The following BCO2 variants were observed in gnomAD, a reference collection of about 807,000 sequenced individuals.
The protein encoded by BCO2 is beta-carotene oxygenase 2.
Under a neutral mutation model 65.8 loss-of-function variants are expected in BCO2, and 56 were observed. The observed-to-expected ratio is 0.85, with a 90% CI of 0.69 to 1.06. The LOEUF is 1.06. Among genes scored for constraint, BCO2 ranks in the 50% least tolerant of loss-of-function variants. The probability of loss-of-function intolerance (pLI) is 0.00; values close to 1 mark genes in which losing one functional copy is unlikely to be tolerated. For synonymous variants in BCO2, 233 were observed against 242.3 expected (o/e 0.96, Z 0.36); for missense variants, 675 against 698.5 (o/e 0.97, Z 0.38).
At chr11:112,187,829 G>A (rs1014745077) in intron 2 of BCO2, among the ~76,000 whole-genome samples, 1 of 151,544 alleles carries the variant, frequency 6.6e-6, no homozygotes, top group Non-Finnish European at 1.5e-5. Context: ...TCAAACCCTT[G>A]TTCTGTCACT....
At chr11:112,175,800 C>T (rs1218369427) in intron 1 of BCO2, 111 bp downstream of exon 1, 1 of 893,972 alleles carries the variant, frequency 1.1e-6, no homozygotes, top group African/African-American at 1.7e-5. Flanking sequence ...GCTTTGTGTC[C>T]TGTGTGGCTC....
chr11:112,194,001 T>C lies in BCO2; in HGVS notation c.633+7T>C, dbSNP rs1288228645. Reference sequence around the variant, plus strand: ...TCTGGAAAAAACAGAAAAGGTAAAGTACAGGTAAAAAAAAATGAATAAAAT... The same window carrying C: ...TCTGGAAAAAACAGAAAAGGTAAAGCACAGGTAAAAAAAAATGAATAAAAT... On this transcript the variant is annotated splice_region_variant and intron_variant, in intron 4 of 11. Coordinates refer to ENST00000357685, the MANE Select transcript of BCO2 (RefSeq NM_031938.7). 7.0e-7 allele frequency: 1 copy of C among 1,421,054 alleles called. No individual in the cohort carries two copies. The highest frequency in any genetic ancestry group is 1.7e-5 in the Admixed American group (1 of 59,364). The allele number at this position is 1,421,054 out of a possible 1,614,324, so 88.0% of individuals were successfully genotyped here. A position where few individuals can be genotyped will look rare whatever the true frequency, so the allele number is the denominator to read the frequency against.
chr11:112,192,964 G>C (rs77576959), intron 2 of BCO2, among the ~76,000 whole-genome samples: 2 of 83,544 alleles, frequency 2.4e-5, no homozygotes, highest in African/African-American at 8.8e-5. Context: ...AGGGTCAGGA[G>C]AATGTAAATT....
chr11:112,196,276 A>C (rs1276581970), intron 5 of BCO2, among the ~76,000 whole-genome samples: 1 of 149,924 alleles, frequency 6.7e-6, no homozygotes, highest in South Asian at 2.1e-4. Flanking sequence ...TCTTCACTTG[A>C]TTATTTGGTT....
chr11:112,207,428 T>C (rs1269402103), intron 8 of BCO2, among the ~76,000 whole-genome samples: 1 of 152,218 alleles, frequency 6.6e-6, no homozygotes, highest in Admixed American at 6.5e-5. Context: ...CATCTTCTCA[T>C]GGCAAGGTAA....
At chr11:112,216,358 GA>G (rs769175185) in intron 11 of BCO2, 28 bp downstream of exon 11, 1 of 1,545,578 alleles carries the variant, frequency 6.5e-7, no homozygotes, top group South Asian at 1.1e-5. Flanking sequence ...TCACCAGTCA[GA>G]AAGAAAAGTA....
chr11:112,182,006 G>GA (rs35381587), intron 2 of BCO2: 4 of 404,968 alleles, frequency 9.9e-6, no homozygotes, highest in South Asian at 3.3e-5. Flanking sequence ...AAATTTACAA[G>GA]AAAAAAATCA....
chr11:112,184,759 G>A (rs1285041240), intron 2 of BCO2, among the ~76,000 whole-genome samples: 1 of 152,012 alleles, frequency 6.6e-6, no homozygotes, highest in Non-Finnish European at 1.5e-5. Context: ...CAGAGGAAGG[G>A]CCTGTACCTC....
chr11:112,211,562 C>T (rs1298588594), intron 8 of BCO2, among the ~76,000 whole-genome samples: 2 of 152,058 alleles, frequency 1.3e-5, no homozygotes, highest in African/African-American at 2.4e-5. Context: ...ACGGTGGCCA[C>T]AGCATTTTTC....
intron 5 of BCO2, among the ~76,000 whole-genome samples, chr11:112,198,624 T>A (rs1256025918): frequency 6.6e-6 from 1 of 151,958 alleles, no homozygotes; most frequent in Non-Finnish European, 1.5e-5. Flanking sequence ...GGAAGACTAC[T>A]TGAGGAGTGG....
intron 7 of BCO2, 126 bp downstream of exon 7, chr11:112,200,899 C>A: frequency 9.9e-7 from 1 of 1,005,048 alleles, no homozygotes; most frequent in Non-Finnish European, 1.5e-6. Context: ...AAGGATATTA[C>A]CTTCTTCTAT....
intron 2 of BCO2, among the ~76,000 whole-genome samples, chr11:112,192,220 A>G (rs1566777804): frequency 6.6e-6 from 1 of 152,286 alleles, no homozygotes; most frequent in East Asian, 1.9e-4. Context: ...ATATCGCATA[A>G]TGTCCTCAAT....
At chr11:112,184,528 C>T (rs1469718511) in intron 2 of BCO2, among the ~76,000 whole-genome samples, 5 of 152,072 alleles carry the variant, frequency 3.3e-5, no homozygotes, top group Admixed American at 6.5e-5. Flanking sequence ...GCTGAGATTA[C>T]AGGCATGAGC....
At chr11:112,200,860 G>C in intron 7 of BCO2, 87 bp downstream of exon 7, 1 of 1,409,990 alleles carries the variant, frequency 7.1e-7, no homozygotes, top group Non-Finnish European at 9.9e-7. Context: ...AATCTTCCCT[G>C]GTTAAAAGTG....
At chr11:112,187,009 C>G (rs1226573570) in intron 2 of BCO2, among the ~76,000 whole-genome samples, 2 of 152,208 alleles carry the variant, frequency 1.3e-5, no homozygotes, top group South Asian at 4.1e-4. Context: ...CATGCCACTT[C>G]GACAAGGCCA....
chr11:112,200,028 T>C (rs951761), intron 6 of BCO2, among the ~76,000 whole-genome samples: 108 of 152,288 alleles, frequency 7.1e-4, no homozygotes, highest in South Asian at 2.3e-3. Flanking sequence ...TGAAAAGATA[T>C]ACTGTAGTTG....
At chr11:112,216,745 C>T (rs1207485925) in intron 11 of BCO2, among the ~76,000 whole-genome samples, 3 of 152,218 alleles carry the variant, frequency 2.0e-5, no homozygotes, top group African/African-American at 7.2e-5. Context: ...CTGCCAATTT[C>T]AATGAACTGA....
intron 5 of BCO2, among the ~76,000 whole-genome samples, chr11:112,195,291 T>A (rs1458814400): frequency 6.6e-6 from 1 of 152,048 alleles, no homozygotes; most frequent in Non-Finnish European, 1.5e-5. Flanking sequence ...TCCTCTGCCA[T>A]GCCTGGCTAA....
At chr11:112,184,253 A>ATTT (rs1247050890) in intron 2 of BCO2, among the ~76,000 whole-genome samples, 1 of 142,752 alleles carries the variant, frequency 7.0e-6, no homozygotes, top group African/African-American at 2.6e-5. Context: ...GGAATGAGGA[A>ATTT]TTTTTTTTTT....
Sources: gnomAD v4.1 joint callset for allele counts (sites outside exome capture counted in the v4.1 genomes callset) on GRCh38, gnomAD v4.1.1 for gene constraint, MANE v1.5 for transcripts, NCBI Gene and HGNC (gene_info 2026-07-23, HGNC 2026-07-21) for gene names.